STAU2: variants seen among roughly 807,000 people sequenced by gnomAD.
STAU2 encodes the protein double-stranded RNA-binding protein Staufen homolog 2.
In STAU2, 20 loss-of-function variants were observed where a neutral mutation model predicts 65.9. The ratio of observed to expected loss-of-function variants is 0.30; its 90% confidence interval spans 0.21 to 0.44. STAU2 has a LOEUF of 0.44. Among genes scored for constraint, STAU2 ranks in the 20% least tolerant of loss-of-function variants. The pLI, the probability that STAU2 is intolerant of heterozygous loss-of-function variation, is 1.00. For synonymous variants in STAU2, 232 were observed against 233.9 expected, an observed-to-expected ratio of 0.99 and a Z score of 0.07; for missense variants, 558 against 683.9, an observed-to-expected ratio of 0.82 and a Z score of 2.05.
At chr8:73,639,174 A>T (rs1814773844) in intron 6 of STAU2, among the ~76,000 whole-genome samples, 1 of 151,986 alleles carries the variant, frequency 6.6e-6, no homozygotes, top group Non-Finnish European at 1.5e-5. Context: ...AATAGTGAAA[A>T]TTTTTTCTAT....
chr8:73,495,633 ACTACT>A (rs1283143700), intron 13 of STAU2, among the ~76,000 whole-genome samples: 2 of 145,450 alleles, frequency 1.4e-5, no homozygotes, highest in African/African-American at 5.1e-5. Flanking sequence ...TAAATCATAA[ACTACT>A]CTAAGGAATG....
chr8:73,466,440 A>C (rs899061080), intron 13 of STAU2, among the ~76,000 whole-genome samples: 1 of 152,226 alleles, frequency 6.6e-6, no homozygotes, highest in Admixed American at 6.5e-5. Flanking sequence ...GTTTCTAGGC[A>C]GGATGAAAGA....
Position 73,700,920 on chromosome 8 carries a change from A to G in STAU2, c.114+8112T>C, listed in dbSNP as rs149118612. ...AAACAACAGGGTACTACATAAAAAT[A>G]AACACACAGACCAATGGAACAGAAG... On this transcript the variant is annotated intron_variant, in intron 4 of 14. Transcript: ENST00000524300. 3.5e-4 allele frequency among the ~76,000 whole-genome samples: 54 copies of G among 152,252 alleles called. 1 individual carries two copies. The East Asian group carries it at 0.01, about 29-fold the overall frequency.
At chr8:73,744,771 A>T (rs963649194) in intron 1 of STAU2, among the ~76,000 whole-genome samples, 11 of 152,162 alleles carry the variant, frequency 7.2e-5, no homozygotes, top group African/African-American at 2.7e-4. Context: ...CCAGGGGAAA[A>T]ATATTTTGTG....
intron 13 of STAU2, among the ~76,000 whole-genome samples, chr8:73,478,025 T>C (rs912223193): frequency 7.4e-6 from 1 of 134,810 alleles, no homozygotes; most frequent in African/African-American, 3.1e-5. Flanking sequence ...ATGTTAGAAA[T>C]ATATATATGT....
chr8:73,740,723 C>T (rs1006623065), intron 1 of STAU2, among the ~76,000 whole-genome samples: 1 of 151,988 alleles, frequency 6.6e-6, no homozygotes, highest in Non-Finnish European at 1.5e-5. Flanking sequence ...CATTACTGGT[C>T]GGGTGTAGTG....
chr8:73,654,637 CAAAAAAAAAAAA>C (rs71269928), intron 6 of STAU2, among the ~76,000 whole-genome samples: 6 of 26,308 alleles, frequency 2.3e-4, no homozygotes, highest in Non-Finnish European at 3.9e-4. Flanking sequence ...AAGATTGTCT[CAAAAAAAAAAAA>C]AAAAAAAAAA....
chr8:73,737,546 A>G (rs1283587591), intron 3 of STAU2, among the ~76,000 whole-genome samples: 2 of 151,366 alleles, frequency 1.3e-5, no homozygotes, highest in African/African-American at 4.9e-5. Context: ...AAAAGAAATA[A>G]AAGTATTTTG....
At chr8:73,492,987 C>T (rs1041336060) in intron 13 of STAU2, among the ~76,000 whole-genome samples, 1 of 151,142 alleles carries the variant, frequency 6.6e-6, no homozygotes, top group African/African-American at 2.4e-5. Context: ...TGGAACAGAA[C>T]AGAGAACCCA....
chr8:73,650,264 AT>A (rs961066796), intron 6 of STAU2, among the ~76,000 whole-genome samples: 15 of 151,938 alleles, frequency 9.9e-5, no homozygotes, highest in Admixed American at 3.3e-4. Context: ...AATCATTTAA[AT>A]TTTTTTTAAG....
intron 13 of STAU2, among the ~76,000 whole-genome samples, chr8:73,465,836 G>A (rs1819625330): frequency 6.6e-6 from 1 of 152,206 alleles, no homozygotes; most frequent in Non-Finnish European, 1.5e-5. Flanking sequence ...TTGAGATGGA[G>A]TCTTGCTCTG....
At chr8:73,516,961 C>T (rs542542773) in intron 13 of STAU2, among the ~76,000 whole-genome samples, 1 of 152,170 alleles carries the variant, frequency 6.6e-6, no homozygotes, top group Admixed American at 6.5e-5. Flanking sequence ...TGGTTTGATT[C>T]ATTAGTAGTG....
chr8:73,496,116 A>G (rs960185461), intron 13 of STAU2, among the ~76,000 whole-genome samples: 6 of 151,510 alleles, frequency 4.0e-5, no homozygotes, highest in African/African-American at 1.5e-4. Context: ...GTGAACAAAT[A>G]TAGCAAAATA....
At chr8:73,524,751 A>G (rs1423673606) in intron 13 of STAU2, among the ~76,000 whole-genome samples, 1 of 152,192 alleles carries the variant, frequency 6.6e-6, no homozygotes, top group Non-Finnish European at 1.5e-5. Context: ...GGCCAAATGG[A>G]TTATGAATAG....
At chr8:73,462,679 G>A (rs758542822) in intron 13 of STAU2, among the ~76,000 whole-genome samples, 185 of 152,164 alleles carry the variant, frequency 1.2e-3, no homozygotes, top group Middle Eastern at 3.4e-3. Flanking sequence ...TTACAGGCGC[G>A]AACCACCACA....
At chr8:73,725,220 G>A (rs1554571905) in intron 3 of STAU2, among the ~76,000 whole-genome samples, 1 of 151,916 alleles carries the variant, frequency 6.6e-6, no homozygotes, top group Admixed American at 6.6e-5. Flanking sequence ...CCTTTTATTT[G>A]TTCCTTTCTT....
chr8:73,687,387 TAA>T (rs1253395990), intron 5 of STAU2, among the ~76,000 whole-genome samples: 1 of 107,758 alleles, frequency 9.3e-6, no homozygotes, highest in Non-Finnish European at 2.0e-5. Context: ...TTTATATTTA[TAA>T]AAATAATATA....
chr8:73,641,711 T>C (rs1194090630), intron 6 of STAU2, among the ~76,000 whole-genome samples: 2 of 152,220 alleles, frequency 1.3e-5, no homozygotes, highest in Non-Finnish European at 2.9e-5. Flanking sequence ...TTTAATCTGG[T>C]ATTGTCCAAA....
At chr8:73,718,302 A>C (rs1389230622) in intron 3 of STAU2, among the ~76,000 whole-genome samples, 1 of 152,200 alleles carries the variant, frequency 6.6e-6, no homozygotes, top group Non-Finnish European at 1.5e-5. Flanking sequence ...ATTCTCCGTA[A>C]GGCATATCAG....
Sources: allele counts gnomAD v4.1 joint callset (sites outside exome capture counted in the v4.1 genomes callset), GRCh38; gene constraint gnomAD v4.1.1; transcripts MANE v1.5; gene names NCBI Gene and HGNC (gene_info 2026-07-23, HGNC 2026-07-21).